Variants in LANCL2 observed in about 807,000 individuals in gnomAD.
LANCL2 encodes the protein LanC like glutathione S-transferase 2.
A neutral mutation model predicts 56.9 loss-of-function variants in LANCL2; 33 were observed. That is an observed-to-expected ratio of 0.58 (90% CI 0.44 to 0.78). LANCL2 has a LOEUF of 0.78. Ranked by LOEUF, LANCL2 falls within the 30% of genes least tolerant of loss-of-function variation. The pLI is 0.00. For missense variants in LANCL2, 562 were observed against 580.2 expected (o/e 0.97, Z 0.32); for synonymous variants, 233 against 228.2 (o/e 1.02, Z -0.19).
chr7:55,393,531 CAAAAAG>C (rs1415047436), intron 2 of LANCL2, among the ~76,000 whole-genome samples: 1 of 146,684 alleles, frequency 6.8e-6, no homozygotes, highest in Non-Finnish European at 1.5e-5. Context: ...GACCCTGTCT[CAAAAAG>C]AAAAAAACAA....
chr7:55,406,285 A>G (rs1007886160), intron 5 of LANCL2, among the ~76,000 whole-genome samples: 1 of 152,188 alleles, frequency 6.6e-6, no homozygotes, highest in African/African-American at 2.4e-5. Flanking sequence ...AAGCAGAGGA[A>G]CAAAACCCCT....
At position 55,371,720 on chromosome 7, in the gene LANCL2, C is replaced by T. The variant is rs568103483; in HGVS notation, c.204+5491C>T. On this transcript the variant is annotated intron_variant, in intron 1 of 8. Coordinates refer to ENST00000254770, the MANE Select transcript of LANCL2 (RefSeq NM_018697.4). ...ACAGAAAAAAATCAGGAAAACTTGT[C>T]TGTAATTTGATACAATCTTAAGCTA... Among the ~76,000 whole-genome samples, 117 of 152,164 alleles carry T rather than the reference C, an allele frequency of 7.7e-4. 1 individual carries two copies. The highest frequency in any genetic ancestry group is 2.7e-3 in the African/African-American group (111 of 41,508).
chr7:55,421,054 C>T (rs1480677655), intron 6 of LANCL2, among the ~76,000 whole-genome samples: 1 of 152,052 alleles, frequency 6.6e-6, no homozygotes, highest in Non-Finnish European at 1.5e-5. Flanking sequence ...TGCAGCTGCT[C>T]CAGCATTTTG....
At position 55,420,004 on chromosome 7, in the gene LANCL2, T is replaced by G. The variant is rs1790591622; in HGVS notation, c.1009-5250T>G. Among the ~76,000 whole-genome samples, 3 of 152,154 alleles carry G rather than the reference T, an allele frequency of 2.0e-5. No individual in the cohort carries two copies. The South Asian group carries it at 6.2e-4, about 32-fold the overall frequency. On this transcript the variant is annotated intron_variant, in intron 6 of 8. Transcript: ENST00000254770. The stretch of plus-strand genomic sequence containing the variant: ...CTCATCTCTACAAAAAATCCAAAAT[T>G]ATCTGGGCATGGTGGTGCCACTGCA...
chr7:55,382,079 A>G (rs895355145), intron 1 of LANCL2, among the ~76,000 whole-genome samples: 1 of 152,224 alleles, frequency 6.6e-6, no homozygotes, highest in Non-Finnish European at 1.5e-5. Context: ...CCTTATGTCA[A>G]AATGAATGAT....
rs1269273865 is a variant in LANCL2, at chr7:55,425,341, A to ATATG, written c.1097_1100dup (p.His368MetfsTer21). The stretch of plus-strand genomic sequence containing the variant: ...AGGTTTGCTGCGGAAGGGCTACGGG[A>ATATG]TATGCCATGGGACTGCTGGCAACGG... On this transcript the variant is annotated frameshift_variant, in exon 7 of 9. Coordinates refer to ENST00000254770, the MANE Select transcript of LANCL2 (RefSeq NM_018697.4). LOFTEE classifies it high-confidence loss of function. The ATATG allele has an allele frequency of 1.9e-6, 3 of 1,614,024 alleles. No individual in the cohort carries two copies. In the African/African-American group the frequency reaches 4.0e-5, roughly 22 times the overall value.
chr7:55,400,916 C>G (rs775109476), intron 4 of LANCL2, among the ~76,000 whole-genome samples: 25 of 152,126 alleles, frequency 1.6e-4, no homozygotes, highest in Admixed American at 6.5e-5. Flanking sequence ...TTTTCGTTGA[C>G]TTTTTATGCA....
At position 55,366,128 on chromosome 7, in the gene LANCL2, G is replaced by C. The variant is rs763309984; in HGVS notation, c.103G>C (p.Ala35Pro). ...CCCCTTCCCGGACTACGAGGCCGCC[G>C]CCGGGGCGCTGCTCGCCTCCGGAGC... ...VNPFPDYEAAAGALLASGAAE... is the reference protein window; with the variant it reads ...VNPFPDYEAAPGALLASGAAE... The change falls in exon 1 of 9, where the codon GCC becomes CCC. Residue 35 changes from alanine (A) to proline (P), a missense_variant. By Grantham distance (27) the Ala-to-Pro change is conservative. This residue lies in a region of LANCL2 where 184 missense variants were observed against 111.8 expected (regional missense o/e 1.65). Coordinates refer to ENST00000254770, the MANE Select transcript of LANCL2 (RefSeq NM_018697.4). The C allele has an allele frequency of 5.2e-6, 8 of 1,547,026 alleles. No homozygotes were observed. The South Asian group carries it at 9.5e-5, about 18-fold the overall frequency.
intron 1 of LANCL2, among the ~76,000 whole-genome samples, chr7:55,379,132 A>C (rs1790036763): frequency 6.6e-6 from 1 of 151,098 alleles, no homozygotes; most frequent in Admixed American, 6.6e-5. Context: ...CCTGGGTGAC[A>C]GAGCGAGACT....
At chr7:55,408,936 C>T (rs1432506317) in intron 5 of LANCL2, among the ~76,000 whole-genome samples, 3 of 145,988 alleles carry the variant, frequency 2.1e-5, no homozygotes, top group African/African-American at 5.1e-5. Context: ...GAGCCGAGAT[C>T]GTGCCACTGC....
In LANCL2 at chr7:55,369,414, A is replaced by G. The variant is rs181937478; in HGVS notation, c.204+3185A>G. Among the ~76,000 whole-genome samples the G allele has an allele frequency of 5.2e-3, 792 of 152,342 alleles. 10 individuals carry two copies. The highest frequency in any genetic ancestry group is 0.031 in the Middle Eastern group (9 of 294). Reference sequence around the variant, plus strand: ...TAGGTATGTGGTGTGATCAGTCAATAAAATTATCCTCTGATTCTAAAACCA... The same window carrying G: ...TAGGTATGTGGTGTGATCAGTCAATGAAATTATCCTCTGATTCTAAAACCA... On this transcript the variant is annotated intron_variant, in intron 1 of 8. Coordinates refer to ENST00000254770, the MANE Select transcript of LANCL2 (RefSeq NM_018697.4).
intron 2 of LANCL2, among the ~76,000 whole-genome samples, chr7:55,395,418 T>C (rs1296576372): frequency 6.6e-6 from 1 of 151,846 alleles, no homozygotes; most frequent in African/African-American, 2.4e-5. Flanking sequence ...GCATGTGAAA[T>C]AAGAATTGAC....
chr7:55,426,828 G>A (rs527696638), intron 7 of LANCL2, among the ~76,000 whole-genome samples: 5 of 152,204 alleles, frequency 3.3e-5, no homozygotes, highest in Admixed American at 6.5e-5. Context: ...GCCAGCGAGC[G>A]GGGAGCAGCC....
intron 6 of LANCL2, among the ~76,000 whole-genome samples, chr7:55,415,527 A>C (rs965153281): frequency 1.3e-5 from 2 of 151,832 alleles, no homozygotes; most frequent in Admixed American, 1.3e-4. Context: ...TTTTTAAGCT[A>C]TACTTTTTTT....
At chr7:55,399,126 C>T (rs908231424) in intron 3 of LANCL2, among the ~76,000 whole-genome samples, 7 of 151,934 alleles carry the variant, frequency 4.6e-5, no homozygotes, top group South Asian at 2.1e-4. Flanking sequence ...GATAGGATGA[C>T]GCTGGGTATA....
intron 1 of LANCL2, among the ~76,000 whole-genome samples, chr7:55,369,263 A>G (rs983384712): frequency 6.6e-6 from 1 of 152,226 alleles, no homozygotes; most frequent in Non-Finnish European, 1.5e-5. Context: ...TTGTAAGTTA[A>G]GCATTGAATA....
chr7:55,380,142 C>A (rs1287453111), intron 1 of LANCL2, among the ~76,000 whole-genome samples: 1 of 152,196 alleles, frequency 6.6e-6, no homozygotes, highest in Non-Finnish European at 1.5e-5. Flanking sequence ...TAATAGAATT[C>A]ATTGTCTTGC....
At position 55,382,718 on chromosome 7, in the gene LANCL2, C is replaced by T. The variant is rs946002136; in HGVS notation, c.205-9075C>T. Among the ~76,000 whole-genome samples the T allele has an allele frequency of 3.5e-4, 54 of 152,200 alleles. 1 individual carries two copies. Among genetic ancestry groups the T allele is most frequent in the Non-Finnish European group, 1.5e-5 (1 of 68,028 alleles). On this transcript the variant is annotated intron_variant, in intron 1 of 8. Coordinates refer to ENST00000254770, the MANE Select transcript of LANCL2 (RefSeq NM_018697.4). ...CCAGGCTGGATGGCACCAGCTGGTG[C>T]ATCAGAAGGCAGGGTCTGAAAATAT...
At chr7:55,400,141 C>A in intron 4 of LANCL2, 37 bp downstream of exon 4, 1 of 1,477,614 alleles carries the variant, frequency 6.8e-7, no homozygotes, top group South Asian at 1.5e-5. Context: ...GCGTCTCTAC[C>A]ATTCAAACCT....
Sources: gnomAD v4.1 joint callset for allele counts (sites outside exome capture counted in the v4.1 genomes callset) on GRCh38, gnomAD v4.1.1 for gene constraint, gnomAD v4.1.1 regional missense constraint, MANE v1.5 for transcripts, NCBI Gene and HGNC (gene_info 2026-07-23, HGNC 2026-07-21) for gene names.